Variants in ASIC5 observed in about 807,000 individuals in gnomAD.
ASIC5 encodes acid sensing ion channel subunit family member 5.
ASIC5 carries 52 observed loss-of-function variants against 51.2 expected under a neutral mutation model. The ratio of observed to expected loss-of-function variants is 1.02; its 90% CI spans 0.81 to 1.28. ASIC5 has a LOEUF of 1.28. ASIC5 is among the 50% of genes most tolerant of loss of function. The pLI, the probability that ASIC5 is intolerant of heterozygous loss-of-function variation, is 0.00. For missense variants in ASIC5, 635 were observed against 595.0 expected, an observed-to-expected ratio of 1.07 and a Z score of -0.70; for synonymous variants, 231 against 200.7, an observed-to-expected ratio of 1.15 and a Z score of -1.28.
chr4:155,836,068 G>A (rs979292113), intron 8 of ASIC5, among the ~76,000 whole-genome samples: 1 of 152,128 alleles, frequency 6.6e-6, no homozygotes, highest in East Asian at 1.9e-4. Context: ...GTTAAAAAAC[G>A]AAGAGTTATT....
intron 2 of ASIC5, among the ~76,000 whole-genome samples, chr4:155,860,441 C>A (rs1419146826): frequency 2.0e-5 from 3 of 151,748 alleles, no homozygotes; most frequent in African/African-American, 7.2e-5. Context: ...GCTCTGAGAA[C>A]TAGAAAATAG....
At chr4:155,846,877 T>A (rs1741255326) in intron 4 of ASIC5, among the ~76,000 whole-genome samples, 2 of 152,088 alleles carry the variant, frequency 1.3e-5, no homozygotes, top group South Asian at 4.1e-4. Flanking sequence ...GTGTCCTTTA[T>A]AAAAAAACAT....
chr4:155,835,283 C>T (rs116224846), intron 8 of ASIC5, among the ~76,000 whole-genome samples: 2,260 of 152,260 alleles, frequency 0.015, 24 homozygotes, highest in Non-Finnish European at 0.021. Flanking sequence ...GGCCTCTGCA[C>T]CTGCCCGTCT....
Position 155,838,814 on chromosome 4 carries a change from A to C in ASIC5, c.1065T>G (p.Leu355=). Residue 355 remains leucine (L), a splice_region_variant and synonymous_variant, in exon 7 of 10, where the codon CTT becomes CTG. Coordinates refer to ENST00000537611, the MANE Select transcript of ASIC5 (RefSeq NM_017419.3). ...AATAAAAGTAAATTAAGCACTTACC[A>C]AGTACAGGAGAAACACAGCTGAAGT... ...QKYFSCVSPV[L]DHIEFKDLCT... is the part of the protein sequence containing the mutation. The C allele has an allele frequency of 6.4e-7, 1 of 1,572,318 alleles. No individual in the cohort carries two copies. Among genetic ancestry groups the C allele is most frequent in the Non-Finnish European group, 8.7e-7 (1 of 1,144,940 alleles).
chr4:155,864,479 T>C (rs557816373), intron 1 of ASIC5: 3 of 152,270 alleles, frequency 2.0e-5, no homozygotes, highest in African/African-American at 7.2e-5. Flanking sequence ...CAATTTTATT[T>C]TGGTTAAATT....
chr4:155,848,713 G>T (rs1053750531), intron 4 of ASIC5, among the ~76,000 whole-genome samples: 1 of 151,944 alleles, frequency 6.6e-6, no homozygotes, highest in Non-Finnish European at 1.5e-5. Flanking sequence ...TTAAATGCAG[G>T]TTTCTGATAA....
At chr4:155,836,587 C>T in intron 8 of ASIC5, 102 bp downstream of exon 8, 1 of 719,826 alleles carries the variant, frequency 1.4e-6, no homozygotes, top group Non-Finnish European at 2.3e-6. Flanking sequence ...CATTGCCTCC[C>T]TTGATTGATT....
At chr4:155,861,341 G>A (rs1296949972) in intron 2 of ASIC5, among the ~76,000 whole-genome samples, 3 of 151,782 alleles carry the variant, frequency 2.0e-5, no homozygotes, top group Admixed American at 6.6e-5. Context: ...TTGTTCTATT[G>A]ATTACTAAAA....
At chr4:155,839,384 C>T (rs1579285767) in intron 6 of ASIC5, among the ~76,000 whole-genome samples, 1 of 143,044 alleles carries the variant, frequency 7.0e-6, no homozygotes, top group South Asian at 2.3e-4. Flanking sequence ...CACACACACA[C>T]GTTCCTGACA....
chr4:155,834,804 A>G (rs2111225731), intron 8 of ASIC5, among the ~76,000 whole-genome samples: 1 of 152,230 alleles, frequency 6.6e-6, no homozygotes, highest in Non-Finnish European at 1.5e-5. Flanking sequence ...GCTCCAGAAG[A>G]GACGAGAAGA....
chr4:155,846,492 T>C (rs1017235146), intron 4 of ASIC5, among the ~76,000 whole-genome samples: 3 of 152,120 alleles, frequency 2.0e-5, no homozygotes, highest in African/African-American at 7.2e-5. Flanking sequence ...AGGAGGTTTG[T>C]TTGGGAAAGG....
At chr4:155,841,098 T>C (rs950996499) in intron 6 of ASIC5, among the ~76,000 whole-genome samples, 2 of 152,122 alleles carry the variant, frequency 1.3e-5, no homozygotes, top group Admixed American at 6.6e-5. Context: ...ATTTGAGTCA[T>C]AATAAAACTC....
intron 5 of ASIC5, among the ~76,000 whole-genome samples, chr4:155,842,560 C>T (rs1389426355): frequency 6.6e-6 from 1 of 151,978 alleles, no homozygotes; most frequent in Non-Finnish European, 1.5e-5. Context: ...AAACATATAT[C>T]CCAAATGTGA....
At chr4:155,859,725 G>T (rs142499148) in intron 2 of ASIC5, among the ~76,000 whole-genome samples, 23 of 152,042 alleles carry the variant, frequency 1.5e-4, no homozygotes, top group African/African-American at 5.1e-4. Flanking sequence ...CCTGCACAGA[G>T]AATTTTAAGG....
intron 4 of ASIC5, among the ~76,000 whole-genome samples, chr4:155,848,912 A>G (rs1243960558): frequency 3.3e-5 from 5 of 152,096 alleles, no homozygotes; most frequent in Non-Finnish European, 5.9e-5. Context: ...ATTTTGAGCT[A>G]CAATTTAGAA....
At chr4:155,844,389 G>C (rs1741191131) in intron 4 of ASIC5, among the ~76,000 whole-genome samples, 1 of 152,056 alleles carries the variant, frequency 6.6e-6, no homozygotes. Flanking sequence ...GAACCTACCT[G>C]CTTCTGCATC....
intron 2 of ASIC5, among the ~76,000 whole-genome samples, chr4:155,858,511 A>G (rs1257371337): frequency 6.6e-6 from 1 of 152,118 alleles, no homozygotes; most frequent in Non-Finnish European, 1.5e-5. Flanking sequence ...GTAAAACTAA[A>G]GAAAATGTCT....
At chr4:155,865,682 GT>G (rs35061182) in intron 1 of ASIC5, among the ~76,000 whole-genome samples, 138,893 of 151,992 alleles carry the variant, frequency 0.91, 63,675 homozygotes, top group East Asian at 1. Context: ...TTTTAATAGA[GT>G]TTTTTTTATT....
In ASIC5 at chr4:155,854,088, A is replaced by G; in HGVS notation, c.574T>C (p.Cys192Arg). The G allele has an allele frequency of 6.2e-7, 1 of 1,610,872 alleles. No individual in the cohort carries two copies. Among genetic ancestry groups the G allele is most frequent in the African/African-American group, 1.3e-5 (1 of 74,892 alleles). Residue 192 changes from cysteine (C) to arginine (R), a missense_variant, in exon 3 of 10, where the codon TGT (cysteine) becomes CGT (arginine). By Grantham distance (180) the Cys-to-Arg change is radical. Transcript: ENST00000537611. ...TAGAAAATCGTTACCTTTGGGCTAC[A>G]TGGCTTTCCAAAAAACTCACAGTCC... ...LLDCEFFGKP[C>R]SPKDFAHVFT...
Sources: allele counts gnomAD v4.1 joint callset (sites outside exome capture counted in the v4.1 genomes callset), GRCh38; gene constraint gnomAD v4.1.1; transcripts MANE v1.5; gene names NCBI Gene and HGNC (gene_info 2026-07-23, HGNC 2026-07-21).